Variants in SAMD12 observed in about 807,000 individuals in gnomAD.
The protein encoded by SAMD12 is sterile alpha motif domain-containing protein 12.
In SAMD12, 9 loss-of-function variants were observed where a neutral mutation model predicts 15.0. That is an observed-to-expected ratio of 0.60 (90% CI 0.36 to 1.05). SAMD12 has a LOEUF of 1.05. Among genes scored for constraint, SAMD12 ranks in the 50% least tolerant of loss-of-function variants. SAMD12 has a pLI of 0.01. For missense variants in SAMD12, 230 were observed against 234.2 expected (o/e 0.98, Z 0.12); for synonymous variants, 86 against 90.1 (o/e 0.96, Z 0.25).
chr8:118,265,154 TG>T (rs1184849477), intron 4 of SAMD12, among the ~76,000 whole-genome samples: 1 of 152,164 alleles, frequency 6.6e-6, no homozygotes, highest in Non-Finnish European at 1.5e-5. Context: ...GGTTAGGACT[TG>T]GCCAGACAGC....
rs896832484 is a variant in SAMD12, at chr8:118,408,277, A to G, written c.323-28577T>C. Among the ~76,000 whole-genome samples the G allele has an allele frequency of 2.0e-5, 3 of 152,164 alleles. 1 individual carries two copies. Among genetic ancestry groups the G allele is most frequent in the Non-Finnish European group, 4.4e-5 (3 of 68,036 alleles). ...TCAATCTACACACCACTGGAGAGAA[A>G]TTTCAATAGTGTGCAGACTGTTGCC... On this transcript the variant is annotated intron_variant, in intron 3 of 3. Coordinates refer to ENST00000314727, the MANE Select transcript of SAMD12 (RefSeq NM_207506.3).
intron 3 of SAMD12, among the ~76,000 whole-genome samples, chr8:118,391,634 CA>C (rs1337141779): frequency 6.6e-6 from 1 of 152,040 alleles, no homozygotes; most frequent in African/African-American, 2.4e-5. Flanking sequence ...AAGTACTGTT[CA>C]AAAAAGTTTT....
the SAMD12 span, among the ~76,000 whole-genome samples, chr8:118,147,979 G>GT: frequency 3.3e-5 from 5 of 151,542 alleles, no homozygotes; most frequent in Non-Finnish European, 7.4e-5. Context: ...CCAAGCTGGA[G>GT]TGCAGTGGTG....
At chr8:118,153,211 C>G in the SAMD12 span, among the ~76,000 whole-genome samples, 1 of 152,130 alleles carries the variant, frequency 6.6e-6, no homozygotes, top group Non-Finnish European at 1.5e-5. Context: ...CAGATGGTAG[C>G]TGCTGAATTG....
chr8:118,382,385 C>G (rs971032619), intron 3 of SAMD12, among the ~76,000 whole-genome samples: 2 of 152,196 alleles, frequency 1.3e-5, no homozygotes, highest in Admixed American at 1.3e-4. Flanking sequence ...GGGTTTTGTT[C>G]CAGTGCATGC....
chr8:118,464,472 T>C (rs1168064473), intron 2 of SAMD12, among the ~76,000 whole-genome samples: 4 of 152,132 alleles, frequency 2.6e-5, no homozygotes, highest in Non-Finnish European at 5.9e-5. Context: ...AGGGAAATAA[T>C]TAGGTCAACT....
intron 1 of SAMD12, among the ~76,000 whole-genome samples, chr8:118,586,573 G>A (rs1235971060): frequency 6.6e-6 from 1 of 152,046 alleles, no homozygotes; most frequent in Admixed American, 6.6e-5. Flanking sequence ...AGACTCCTGG[G>A]CTCAAGCGAC....
intron 4 of SAMD12, among the ~76,000 whole-genome samples, chr8:118,247,558 A>G (rs1472436632): frequency 6.6e-6 from 1 of 151,948 alleles, no homozygotes; most frequent in Non-Finnish European, 1.5e-5. Flanking sequence ...TCAATTAAAA[A>G]TAAAAAAAAC....
At chr8:118,171,609 TC>T in the SAMD12 span, among the ~76,000 whole-genome samples, 2 of 152,118 alleles carry the variant, frequency 1.3e-5, no homozygotes, top group Non-Finnish European at 2.9e-5. Context: ...GTGATTGCAT[TC>T]ATATGAAATG....
At chr8:118,218,194 A>G (rs1197464087) in intron 4 of SAMD12, among the ~76,000 whole-genome samples, 2 of 152,220 alleles carry the variant, frequency 1.3e-5, no homozygotes, top group Non-Finnish European at 2.9e-5. Flanking sequence ...TGGATCAGTA[A>G]TAAACAATTC....
chr8:118,570,452 C>T (rs1826976324), intron 2 of SAMD12, among the ~76,000 whole-genome samples: 1 of 152,106 alleles, frequency 6.6e-6, no homozygotes, highest in Non-Finnish European at 1.5e-5. Context: ...TAAGTGAGAA[C>T]ATGTTGTATT....
chr8:118,464,289 G>T lies in SAMD12; in HGVS notation c.193-24328C>A, dbSNP rs76825954. Among the ~76,000 whole-genome samples the T allele has an allele frequency of 1.7e-3, 255 of 152,328 alleles. 1 individual carries two copies. The highest frequency in any genetic ancestry group is 5.6e-3 in the African/African-American group (234 of 41,566). On this transcript the variant is annotated intron_variant, in intron 2 of 3. Coordinates refer to ENST00000314727, the MANE Select transcript of SAMD12 (RefSeq NM_207506.3). The stretch of plus-strand genomic sequence containing the variant: ...TTGCAAAACAGTGTAACATGACTGA[G>T]TCATTCGCTTTCAAGAATCTTGTAA...
the SAMD12 span, among the ~76,000 whole-genome samples, chr8:118,157,815 C>T: frequency 2.0e-5 from 3 of 152,198 alleles, no homozygotes; most frequent in African/African-American, 7.2e-5. Context: ...AGTTTGCCTT[C>T]TAACTTAAAA....
chr8:118,216,755 G>A (rs1811970953), intron 4 of SAMD12, among the ~76,000 whole-genome samples: 2 of 152,182 alleles, frequency 1.3e-5, no homozygotes, highest in Admixed American at 1.3e-4. Context: ...ATAGATTTTG[G>A]AAATCTAGGT....
chr8:118,427,267 G>A (rs908105534), intron 3 of SAMD12, among the ~76,000 whole-genome samples: 2 of 151,988 alleles, frequency 1.3e-5, no homozygotes, highest in South Asian at 2.1e-4. Flanking sequence ...AGGATAACAC[G>A]TTCATCTTTT....
chr8:118,459,609 T>C (rs1766144418), intron 2 of SAMD12, among the ~76,000 whole-genome samples: 1 of 152,196 alleles, frequency 6.6e-6, no homozygotes, highest in Non-Finnish European at 1.5e-5. Context: ...TAACTATGGA[T>C]GACTATTTGG....
chr8:118,219,629 T>C (rs902768778), intron 4 of SAMD12, among the ~76,000 whole-genome samples: 58 of 152,182 alleles, frequency 3.8e-4, no homozygotes, highest in African/African-American at 1.3e-3. Flanking sequence ...TGTCAGAGAA[T>C]TGTCAGCTTG....
At chr8:118,424,983 G>A (rs1408088071) in intron 3 of SAMD12, among the ~76,000 whole-genome samples, 1 of 150,854 alleles carries the variant, frequency 6.6e-6, no homozygotes, top group Non-Finnish European at 1.5e-5. Context: ...CTGTCGCCCA[G>A]GCTGGAGGGC....
intron 4 of SAMD12, among the ~76,000 whole-genome samples, chr8:118,292,772 A>T (rs934951475): frequency 5.9e-5 from 9 of 151,930 alleles, no homozygotes; most frequent in African/African-American, 2.2e-4. Context: ...GAAATTGGAA[A>T]TCATCATTCT....
Sources: allele counts gnomAD v4.1 joint callset (sites outside exome capture counted in the v4.1 genomes callset), GRCh38; gene constraint gnomAD v4.1.1; transcripts MANE v1.5; gene names NCBI Gene and HGNC (gene_info 2026-07-23, HGNC 2026-07-21).